PMS2: variants seen among roughly 807,000 people sequenced by gnomAD.
PMS2 encodes PMS1 homolog 2, mismatch repair system component, also known as mismatch repair endonuclease PMS2.
Under a neutral mutation model 90.0 loss-of-function variants are expected in PMS2, and 69 were observed. That is an observed-to-expected ratio of 0.77 (90% confidence interval 0.63 to 0.94). The LOEUF is 0.94. Ranked by LOEUF, PMS2 falls within the 40% of genes least tolerant of loss-of-function variation. The pLI, the probability that PMS2 is intolerant of heterozygous loss-of-function variation, is 0.00. For missense variants in PMS2, 966 were observed against 1,040.2 expected (o/e 0.93, Z 0.98); for synonymous variants, 332 against 375.1 (o/e 0.89, Z 1.33).
chr7:5,977,016 G>A (rs537228580), intron 14 of PMS2, among the ~76,000 whole-genome samples: 42 of 116,878 alleles, frequency 3.6e-4, no homozygotes, highest in Non-Finnish European at 5.9e-4. Flanking sequence ...GGGGGACAGA[G>A]GGAGAATCTG....
At chr7:6,002,215 C>A in intron 5 of PMS2, 2 of 414,680 alleles carry the variant, frequency 4.8e-6, no homozygotes, top group Non-Finnish European at 8.9e-6. Context: ...TAAAATTTTT[C>A]ATAGAGACAG....
At chr7:5,993,427 C>A (rs1236621037) in intron 8 of PMS2, among the ~76,000 whole-genome samples, 4 of 7,976 alleles carry the variant, frequency 5.0e-4, no homozygotes, top group Admixed American at 1.5e-3. Context: ...TACTGAGGTA[C>A]AATGTGTTGC....
intron 2 of PMS2, among the ~76,000 whole-genome samples, chr7:6,005,511 T>G (rs769322502): frequency 8.5e-5 from 13 of 152,176 alleles, no homozygotes; most frequent in Non-Finnish European, 1.8e-4. Flanking sequence ...GCCTACTTTA[T>G]TTTTCAATAG....
intron 5 of PMS2, 73 bp from the exon 6 acceptor site, chr7:5,999,348 C>T: frequency 7.6e-7 from 1 of 1,321,298 alleles, no homozygotes; most frequent in African/African-American, 1.4e-5. Flanking sequence ...CAAGTTACAA[C>T]ATCCAACGCA....
chr7:5,986,282 C>T (rs1782851176), intron 11 of PMS2, among the ~76,000 whole-genome samples: 3 of 151,826 alleles, frequency 2.0e-5, no homozygotes, highest in Admixed American at 1.3e-4. Flanking sequence ...CCTATGTTGT[C>T]CAGGCTGGTC....
At chr7:5,980,893 A>G (rs944633364) in intron 12 of PMS2, among the ~76,000 whole-genome samples, 3 of 151,174 alleles carry the variant, frequency 2.0e-5, no homozygotes, top group African/African-American at 7.4e-5. Context: ...GAGAGTACTC[A>G]GCAAACTACA....
chr7:6,006,215 G>A, intron 1 of PMS2, 184 bp from the exon 2 acceptor site: 1 of 699,610 alleles, frequency 1.4e-6, no homozygotes, highest in South Asian at 1.8e-5. Flanking sequence ...CCTTAAACAT[G>A]TACCCAAAAT....
chr7:6,003,285 C>T (rs1455115854), intron 4 of PMS2: 1 of 139,784 alleles, frequency 7.2e-6, no homozygotes, highest in Non-Finnish European at 1.5e-5. Context: ...CAAAGAGAGA[C>T]TCTGTCTAAA....
chr7:5,990,741 A>G (rs963488903), intron 9 of PMS2, among the ~76,000 whole-genome samples: 1 of 152,184 alleles, frequency 6.6e-6, no homozygotes, highest in African/African-American at 2.4e-5. Context: ...GGCTGAGTGC[A>G]GTGGCTCACA....
At chr7:5,993,317 G>C (rs1318985304) in intron 8 of PMS2, among the ~76,000 whole-genome samples, 1 of 133,436 alleles carries the variant, frequency 7.5e-6, no homozygotes, top group Non-Finnish European at 1.5e-5. Context: ...CTTGCAGTGA[G>C]CCAAGATCAC....
chr7:5,986,692 AAAAAAAT>A, intron 11 of PMS2, 60 bp downstream of exon 11: 1 of 1,290,474 alleles, frequency 7.7e-7, no homozygotes, highest in Non-Finnish European at 1.1e-6. Context: ...ACTCTGTCTC[AAAAAAAT>A]AAAAAATAAA....
intron 11 of PMS2, among the ~76,000 whole-genome samples, chr7:5,986,431 C>T (rs1020489620): frequency 1.1e-4 from 17 of 151,900 alleles, no homozygotes; most frequent in Non-Finnish European, 2.4e-4. Flanking sequence ...GTGGCTCACA[C>T]CTGTAATCCC....
chr7:6,000,426 G>A (rs957449746), intron 5 of PMS2, among the ~76,000 whole-genome samples: 3 of 147,282 alleles, frequency 2.0e-5, no homozygotes, highest in Non-Finnish European at 4.5e-5. Context: ...ATACAATTCT[G>A]TATTACTTGC....
Position 6,009,012 on chromosome 7 carries a change from C to A in PMS2, c.8G>T (p.Arg3Leu), listed in dbSNP as rs375507981. 1.5e-5 allele frequency: 24 copies of A among 1,612,628 alleles called. No individual in the cohort carries two copies. In the South Asian group the frequency reaches 2.4e-4, roughly 16 times the overall value. ...CCCCGCTCACCTCGAGCTCTCAGCTCGCTCCATGGATGCAACACCCGATCC... is the reference window on the plus strand; with the variant it reads ...CCCCGCTCACCTCGAGCTCTCAGCTAGCTCCATGGATGCAACACCCGATCC... ME[R>L]AESSSTEPAK... Residue 3 changes from arginine (R) to leucine (L), a missense_variant, in exon 1 of 15, where the codon CGA (arginine) becomes CTA (leucine). Physicochemically the swap from Arg to Leu is moderately radical, Grantham distance 102. Around this residue, in one of 2 missense-constraint regions of PMS2, gnomAD observed 871 missense variants for 802.4 expected, o/e 1.09. Coordinates refer to ENST00000265849, the MANE Select transcript of PMS2 (RefSeq NM_000535.7).
At chr7:5,999,360 G>T (rs948136403) in intron 5 of PMS2, 85 bp from the exon 6 acceptor site, 5 of 1,176,212 alleles carry the variant, frequency 4.3e-6, no homozygotes, top group Non-Finnish European at 6.4e-6. Context: ...TCCAACGCAA[G>T]GTTCTCACAT....
intron 7 of PMS2, among the ~76,000 whole-genome samples, chr7:5,996,777 C>A (rs1041148888): frequency 2.0e-5 from 3 of 151,810 alleles, no homozygotes; most frequent in African/African-American, 4.8e-5. Context: ...CTAAACAGAG[C>A]CTTAAAGAAG....
chr7:6,009,039 C>A lies in PMS2; in HGVS notation c.-20G>T. ...CTCCATGGATGCAACACCCGATCCG[C>A]CTCGGGGACTGGGAAAGTTCCCTCC... is the stretch of plus-strand genomic sequence containing the variant. On this transcript the variant is annotated 5_prime_UTR_variant, in exon 1 of 15. Coordinates refer to ENST00000265849, the MANE Select transcript of PMS2 (RefSeq NM_000535.7). The A allele has an allele frequency of 2.5e-6, 4 of 1,612,406 alleles. No homozygotes were observed. In the South Asian group the frequency reaches 4.4e-5, roughly 18 times the overall value.
rs776725795 is a variant in PMS2, at chr7:5,987,546, T to C, written c.1219A>G (p.Arg407Gly). The change falls in exon 11 of 15, where the codon AGG (arginine) becomes GGG (glycine). Residue 407 changes from arginine (R) to glycine (G), a missense_variant. Around this residue, in one of 2 missense-constraint regions of PMS2, gnomAD observed 871 missense variants for 802.4 expected, o/e 1.09. Coordinates refer to ENST00000265849, the MANE Select transcript of PMS2 (RefSeq NM_000535.7). ...ACGTCTTTTTTTTCTTCTCCAGTCC[T>C]TAATGAAGGGGATTGATCCTGCTTT... is the stretch of plus-strand genomic sequence containing the variant. Reference protein sequence around the residue: ...VEKQDQSPSLRTGEEKKDVSI... With the variant: ...VEKQDQSPSLGTGEEKKDVSI... 6.2e-7 allele frequency: 1 copy of C among 1,614,080 alleles called. No homozygotes were observed. Among genetic ancestry groups the C allele is most frequent in the Admixed American group, 1.7e-5 (1 of 59,990 alleles).
At chr7:5,985,613 G>C (rs557278860) in intron 11 of PMS2, among the ~76,000 whole-genome samples, 1 of 150,316 alleles carries the variant, frequency 6.7e-6, no homozygotes, top group Non-Finnish European at 1.5e-5. Flanking sequence ...GAGTGCAATG[G>C]TGCAATCTCG....
Sources: allele counts gnomAD v4.1 joint callset (sites outside exome capture counted in the v4.1 genomes callset), GRCh38; gene constraint gnomAD v4.1.1; regional missense constraint gnomAD v4.1.1; transcripts MANE v1.5; gene names NCBI Gene and HGNC (gene_info 2026-07-23, HGNC 2026-07-21).